The following TLL1 variants were observed in gnomAD, a reference collection of about 807,000 sequenced individuals.
The protein encoded by TLL1 is tolloid like 1, also known as tolloid-like protein 1.
Under a neutral mutation model 128.2 loss-of-function variants are expected in TLL1, and 49 were observed. The observed-to-expected ratio is 0.38, with a 90% confidence interval of 0.30 to 0.48. TLL1 has a LOEUF of 0.48. Ranked by LOEUF, TLL1 falls within the 20% of genes least tolerant of loss-of-function variation. The probability of loss-of-function intolerance (pLI) is 0.96; values close to 1 mark genes in which losing one functional copy is unlikely to be tolerated. For synonymous variants in TLL1, 454 were observed against 418.8 expected (o/e 1.08, Z -1.03); for missense variants, 1,123 against 1,242.0 (o/e 0.90, Z 1.44).
At chr4:166,092,433 A>G (rs1029633253) in intron 19 of TLL1, among the ~76,000 whole-genome samples, 13 of 152,054 alleles carry the variant, frequency 8.5e-5, no homozygotes, top group Non-Finnish European at 1.3e-4. Flanking sequence ...TCTTATGATT[A>G]ATATAAATAT....
intron 12 of TLL1, among the ~76,000 whole-genome samples, chr4:166,051,915 A>T (rs1240207769): frequency 6.6e-6 from 1 of 152,200 alleles, no homozygotes; most frequent in African/African-American, 2.4e-5. Flanking sequence ...AGTGAATTTA[A>T]CCCTATAATT....
chr4:165,930,142 G>C (rs1733449982), intron 1 of TLL1, among the ~76,000 whole-genome samples: 1 of 152,088 alleles, frequency 6.6e-6, no homozygotes, highest in Non-Finnish European at 1.5e-5. Context: ...TGAGCTAAGG[G>C]GGAATGTTCA....
At chr4:166,097,540 A>G (rs565724176) in intron 19 of TLL1, among the ~76,000 whole-genome samples, 2 of 152,238 alleles carry the variant, frequency 1.3e-5, no homozygotes, top group South Asian at 4.1e-4. Context: ...AGGTCTCTGA[A>G]TTTGCTGTTG....
At chr4:166,090,012 C>T (rs7687057) in intron 18 of TLL1, among the ~76,000 whole-genome samples, 10,429 of 151,986 alleles carry the variant, frequency 0.069, 624 homozygotes, top group African/African-American at 0.16. Flanking sequence ...TTTTTAGTCT[C>T]TTTTGTTTTG....
intron 1 of TLL1, among the ~76,000 whole-genome samples, chr4:165,931,457 A>T (rs532258900): frequency 1.3e-5 from 2 of 152,134 alleles, no homozygotes; most frequent in African/African-American, 2.4e-5. Context: ...GGTCATTCAC[A>T]CCTGTAATCC....
At chr4:166,044,241 C>G in intron 12 of TLL1, 1 of 710,816 alleles carries the variant, frequency 1.4e-6, no homozygotes, top group Non-Finnish European at 2.3e-6. Flanking sequence ...GATTGGAAGA[C>G]TAATTCACTA....
rs142238991 is a variant in TLL1, at chr4:166,103,436, G to A, written c.*2560G>A. 2 of 151,780 alleles carry A rather than the reference G, an allele frequency of 1.3e-5. No individual in the cohort carries two copies. The highest frequency in any genetic ancestry group is 3.9e-4 in the East Asian group (2 of 5,134). 9.4% of individuals were successfully genotyped at this position (151,780 alleles called of 1,614,324 possible). ...GAAAATAAATATATTAAATTATTTT[G>A]CCTGATGTGGTAGGGGAAATGTATT... On this transcript the variant is annotated 3_prime_UTR_variant, in exon 21 of 21. Transcript: ENST00000061240.
chr4:165,984,144 A>G (rs1004340173), intron 1 of TLL1, among the ~76,000 whole-genome samples: 1 of 151,932 alleles, frequency 6.6e-6, no homozygotes, highest in African/African-American at 2.4e-5. Flanking sequence ...GAATTTAACA[A>G]AGACACATAC....
At position 165,894,045 on chromosome 4, in the gene TLL1, G is replaced by C. The variant is rs557153988; in HGVS notation, c.169+19972G>C. 4.4e-4 allele frequency among the ~76,000 whole-genome samples: 67 copies of C among 152,252 alleles called. 1 individual carries two copies. The South Asian group carries it at 0.013, about 29-fold the overall frequency. On this transcript the variant is annotated intron_variant, in intron 1 of 20. Transcript: ENST00000061240. Reference sequence around the variant, plus strand: ...TGGAAATGTTTATCATTAGACAAATGGTAGCTAGAATATCTTATATTATAA... The same window carrying C: ...TGGAAATGTTTATCATTAGACAAATCGTAGCTAGAATATCTTATATTATAA...
intron 12 of TLL1, 114 bp from the exon 13 acceptor site, chr4:166,054,962 C>A (rs531408252): frequency 3.7e-6 from 3 of 810,130 alleles, no homozygotes; most frequent in Admixed American, 2.8e-5. Flanking sequence ...TCATTTGATA[C>A]AAATAACTTT....
chr4:165,954,623 G>C (rs777131578), intron 1 of TLL1, among the ~76,000 whole-genome samples: 25 of 152,022 alleles, frequency 1.6e-4, no homozygotes, highest in Non-Finnish European at 2.4e-4. Flanking sequence ...GGACACCCTG[G>C]AAACCAGAAA....
intron 1 of TLL1, among the ~76,000 whole-genome samples, chr4:165,878,765 C>A (rs1430349648): frequency 6.6e-6 from 1 of 151,986 alleles, no homozygotes; most frequent in Non-Finnish European, 1.5e-5. Flanking sequence ...GCATAGAATT[C>A]TTGATTCAAG....
At position 165,936,206 on chromosome 4, in the gene TLL1, A is replaced by ATTT. The variant is rs199985086; in HGVS notation, c.170-53168_170-53166dup. On this transcript the variant is annotated intron_variant, in intron 1 of 20. Transcript: ENST00000061240. ...CATTTTGCTTCATATATATATATAT[A>ATTT]TTTTTTTTTCTTTTTTCTTTTTTTT... is the stretch of plus-strand genomic sequence containing the variant. Among the ~76,000 whole-genome samples the ATTT allele has an allele frequency of 4.2e-3, 582 of 139,596 alleles. 1 individual carries two copies. The highest frequency in any genetic ancestry group is 0.015 in the South Asian group (70 of 4,526). The allele number at this position is 139,596 out of a possible 152,430, so 91.6% of individuals were successfully genotyped here.
intron 15 of TLL1, 143 bp from the exon 16 acceptor site, chr4:166,065,540 G>A: frequency 1.4e-5 from 11 of 766,728 alleles, no homozygotes; most frequent in Non-Finnish European, 2.4e-5. Flanking sequence ...CACTGTGTCT[G>A]ACCTGATTTT....
intron 1 of TLL1, among the ~76,000 whole-genome samples, chr4:165,980,816 A>G (rs1426761486): frequency 4.6e-5 from 7 of 152,080 alleles, no homozygotes; most frequent in Admixed American, 4.6e-4. Context: ...TTGAATTCCT[A>G]TTGCCTAGCA....
At chr4:165,977,611 A>C (rs1735950210) in intron 1 of TLL1, among the ~76,000 whole-genome samples, 1 of 152,196 alleles carries the variant, frequency 6.6e-6, no homozygotes, top group Admixed American at 6.5e-5. Flanking sequence ...AATGGTTATA[A>C]AATTTATTGC....
chr4:165,913,352 G>A (rs1402016031), intron 1 of TLL1, among the ~76,000 whole-genome samples: 1 of 152,146 alleles, frequency 6.6e-6, no homozygotes, highest in African/African-American at 2.4e-5. Flanking sequence ...TCAGAGCTGA[G>A]TGTTTTTGTT....
At chr4:165,962,944 A>G (rs1163636936) in intron 1 of TLL1, among the ~76,000 whole-genome samples, 1 of 150,762 alleles carries the variant, frequency 6.6e-6, no homozygotes, top group African/African-American at 2.4e-5. Context: ...AATCCCAGCT[A>G]CTAGGGAGAC....
At chr4:165,932,665 T>C (rs1256004958) in intron 1 of TLL1, among the ~76,000 whole-genome samples, 1 of 152,162 alleles carries the variant, frequency 6.6e-6, no homozygotes, top group Non-Finnish European at 1.5e-5. Flanking sequence ...TAGAGTTTGT[T>C]TGTAATCTGT....
Sources: allele counts gnomAD v4.1 joint callset (sites outside exome capture counted in the v4.1 genomes callset), GRCh38; gene constraint gnomAD v4.1.1; transcripts MANE v1.5; gene names NCBI Gene and HGNC (gene_info 2026-07-23, HGNC 2026-07-21).